Variants in PPP3R1 observed in about 807,000 individuals in gnomAD.
PPP3R1 encodes the protein calcineurin subunit B type 1.
PPP3R1 carries 5 observed loss-of-function variants against 22.6 expected under a neutral mutation model. The ratio of observed to expected loss-of-function variants is 0.22; its 90% CI spans 0.12 to 0.46. PPP3R1 has a LOEUF of 0.46. PPP3R1 is among the 20% of genes least tolerant of loss of function. PPP3R1 has a pLI of 0.99. For missense variants in PPP3R1, 61 were observed against 203.2 expected, an observed-to-expected ratio of 0.30 and a Z score of 4.25; for synonymous variants, 56 against 65.2, an observed-to-expected ratio of 0.86 and a Z score of 0.68.
chr2:68,220,404 T>C (rs1338868636), intron 1 of PPP3R1, among the ~76,000 whole-genome samples: 2 of 152,170 alleles, frequency 1.3e-5, no homozygotes, highest in Non-Finnish European at 1.5e-5. Flanking sequence ...TGAATAACTT[T>C]TGGGAGTTTG....
At chr2:68,198,502 T>C (rs375138307) in intron 2 of PPP3R1, among the ~76,000 whole-genome samples, 57 of 63,930 alleles carry the variant, frequency 8.9e-4, no homozygotes, top group South Asian at 3.3e-3. Flanking sequence ...TACATATATA[T>C]GTGTATACAT....
intron 1 of PPP3R1, among the ~76,000 whole-genome samples, chr2:68,233,866 T>C (rs1342785432): frequency 1.3e-5 from 2 of 152,186 alleles, no homozygotes; most frequent in Non-Finnish European, 2.9e-5. Context: ...ATCTAGAAAG[T>C]AATCCTTAAA....
intron 5 of PPP3R1, among the ~76,000 whole-genome samples, chr2:68,182,554 G>T (rs745329955): frequency 1.3e-5 from 2 of 150,892 alleles, no homozygotes; most frequent in Non-Finnish European, 2.9e-5. Flanking sequence ...GGTGTCTCAC[G>T]CCTGTAATCC....
At chr2:68,203,418 A>G (rs1283542569) in intron 2 of PPP3R1, among the ~76,000 whole-genome samples, 1 of 152,186 alleles carries the variant, frequency 6.6e-6, no homozygotes, top group African/African-American at 2.4e-5. Flanking sequence ...CCTGACCAAC[A>G]TGGTGAAACC....
At chr2:68,243,239 A>G (rs1670167265) in intron 1 of PPP3R1, among the ~76,000 whole-genome samples, 1 of 152,238 alleles carries the variant, frequency 6.6e-6, no homozygotes, top group African/African-American at 2.4e-5. Flanking sequence ...AATATTTCAT[A>G]GTACAAGACT....
At chr2:68,207,776 G>A (rs1669341641) in intron 2 of PPP3R1, among the ~76,000 whole-genome samples, 1 of 152,182 alleles carries the variant, frequency 6.6e-6, no homozygotes, top group African/African-American at 2.4e-5. Flanking sequence ...ATCAAGTGGA[G>A]GAATAATTCA....
intron 5 of PPP3R1, among the ~76,000 whole-genome samples, chr2:68,182,405 T>C (rs926600361): frequency 6.6e-6 from 1 of 152,132 alleles, no homozygotes; most frequent in African/African-American, 2.4e-5. Context: ...ACTATTTACC[T>C]CCAGGTCTCT....
At chr2:68,203,555 C>G (rs370976285) in intron 2 of PPP3R1, among the ~76,000 whole-genome samples, 58 of 151,478 alleles carry the variant, frequency 3.8e-4, no homozygotes, top group African/African-American at 1.4e-3. Flanking sequence ...GTGCCGAGAT[C>G]GCGCCATTGC....
intron 2 of PPP3R1, among the ~76,000 whole-genome samples, chr2:68,198,149 A>G (rs934426253): frequency 3.4e-5 from 5 of 145,392 alleles, no homozygotes; most frequent in African/African-American, 1.0e-4. Flanking sequence ...CATATACAAT[A>G]CACATATATG....
intron 2 of PPP3R1, among the ~76,000 whole-genome samples, chr2:68,209,918 C>T (rs1669444435): frequency 6.6e-6 from 1 of 152,020 alleles, no homozygotes; most frequent in Admixed American, 6.5e-5. Context: ...TCTACCCAAA[C>T]TCATAAACAA....
At position 68,186,543 on chromosome 2, in the gene PPP3R1, C is replaced by T. The variant is rs1031676923; in HGVS notation, c.390G>A (p.Gln130=). 1 of 1,613,116 alleles carries T rather than the reference C, an allele frequency of 6.2e-7. No individual in the cohort carries two copies. Among genetic ancestry groups the T allele is most frequent in the African/African-American group, 1.3e-5 (1 of 75,012 alleles). ...TTATTATGGTTTTGTCTACAATTTG[C>T]TGTAACTGTGTATCTTTCAGATTGT... is the stretch of plus-strand genomic sequence containing the variant. ...VGNNLKDTQL[Q]QIVDKTIINA... Residue 130 remains glutamine (Q), a synonymous_variant, in exon 5 of 6, where the codon CAG becomes CAA. Coordinates refer to ENST00000234310, the MANE Select transcript of PPP3R1 (RefSeq NM_000945.4).
At chr2:68,213,044 G>A (rs896973977) in intron 2 of PPP3R1, among the ~76,000 whole-genome samples, 1 of 152,200 alleles carries the variant, frequency 6.6e-6, no homozygotes, top group African/African-American at 2.4e-5. Context: ...TTTGGCTTAA[G>A]GGAATTTTGT....
rs1421940413 is a variant in PPP3R1 at position 68,252,241 on chromosome 2, G to C, written c.-114C>G. On this transcript the variant is annotated 5_prime_UTR_variant, in exon 1 of 6. Coordinates refer to ENST00000234310, the MANE Select transcript of PPP3R1 (RefSeq NM_000945.4). The stretch of plus-strand genomic sequence containing the variant: ...CAGCTGCGGCCCTCGGGTCGCCGGC[G>C]GGGAGGGGGCGCGCGTGGGGGAGGG... 1.6e-5 allele frequency: 18 copies of C among 1,103,370 alleles called. No individual in the cohort carries two copies. The highest frequency in any genetic ancestry group is 1.4e-5 in the Non-Finnish European group (13 of 901,636). The allele number at this position is 1,103,370 out of a possible 1,614,324, so 68.3% of individuals were successfully genotyped here.
At chr2:68,206,050 T>C (rs1051009343) in intron 2 of PPP3R1, among the ~76,000 whole-genome samples, 11 of 152,176 alleles carry the variant, frequency 7.2e-5, no homozygotes, top group Admixed American at 6.5e-4. Context: ...ACTCCGGACC[T>C]CAGGTGATCC....
In PPP3R1 at chr2:68,180,815, G is replaced by T; in HGVS notation, c.*148C>A. On this transcript the variant is annotated 3_prime_UTR_variant, in exon 6 of 6. Coordinates refer to ENST00000234310, the MANE Select transcript of PPP3R1 (RefSeq NM_000945.4). Reference sequence around the variant, plus strand: ...AATTACAGTTCAATAACACTTAGTTGGCTTCATGAGGCTCATGTTGGAAAA... The same window carrying T: ...AATTACAGTTCAATAACACTTAGTTTGCTTCATGAGGCTCATGTTGGAAAA... 1 of 720,914 alleles carries T rather than the reference G, an allele frequency of 1.4e-6. No homozygotes were observed. Among genetic ancestry groups the T allele is most frequent in the Non-Finnish European group, 2.3e-6 (1 of 428,228 alleles). The allele number at this position is 720,914 out of a possible 1,614,324, so 44.7% of individuals were successfully genotyped here.
intron 5 of PPP3R1, among the ~76,000 whole-genome samples, chr2:68,181,293 T>A (rs1041314173): frequency 1.3e-5 from 2 of 151,144 alleles, no homozygotes; most frequent in African/African-American, 2.4e-5. Context: ...CTGGGCAGGC[T>A]GATGCAGGAG....
chr2:68,202,897 G>A (rs1675015611), intron 2 of PPP3R1, among the ~76,000 whole-genome samples: 1 of 137,168 alleles, frequency 7.3e-6, no homozygotes, highest in East Asian at 2.3e-4. Context: ...TCGCCTCCCA[G>A]GTTCACGCCA....
rs199824687 is a variant in PPP3R1 at position 68,198,062 on chromosome 2, C to CAAAA, written c.44-9376_44-9373dup. Reference sequence around the variant, plus strand: ...GCTCCCTTTACAACGGCACCTTTGGCAAAAAAAAAAAAAAAAAAAAAAAAA... The same window carrying CAAAA: ...GCTCCCTTTACAACGGCACCTTTGGCAAAAAAAAAAAAAAAAAAAAAAAAAAAAA... On this transcript the variant is annotated intron_variant, in intron 2 of 5. Transcript: ENST00000234310. 1.5e-3 allele frequency among the ~76,000 whole-genome samples: 62 copies of CAAAA among 42,002 alleles called. 16 individuals carry two copies. The highest frequency in any genetic ancestry group is 3.5e-3 in the African/African-American group (32 of 9,100). The allele number at this position is 42,002 out of a possible 152,430, so 27.6% of individuals were successfully genotyped here.
At chr2:68,186,852 T>C (rs746764074) in intron 4 of PPP3R1, among the ~76,000 whole-genome samples, 200 bp from the exon 5 acceptor site, 1 of 152,226 alleles carries the variant, frequency 6.6e-6, no homozygotes, top group Non-Finnish European at 1.5e-5. Context: ...CTGAGCAGAT[T>C]TGGTGGAGCT....
Sources: gnomAD v4.1 joint callset for allele counts (sites outside exome capture counted in the v4.1 genomes callset) on GRCh38, gnomAD v4.1.1 for gene constraint, MANE v1.5 for transcripts, NCBI Gene and HGNC (gene_info 2026-07-23, HGNC 2026-07-21) for gene names.